The following ANTXRL variants were observed in gnomAD, a reference collection of about 807,000 sequenced individuals.
The protein encoded by ANTXRL is anthrax toxin receptor-like.
In ANTXRL, 63 loss-of-function variants were observed where a neutral mutation model predicts 75.4. The observed-to-expected ratio is 0.84, with a 90% CI of 0.68 to 1.03. ANTXRL has a LOEUF of 1.03. Among genes scored for constraint, ANTXRL ranks in the 50% least tolerant of loss-of-function variants. ANTXRL has a pLI of 0.00. For synonymous variants in ANTXRL, 335 were observed against 291.3 expected (o/e 1.15, Z -1.53); for missense variants, 797 against 789.4 (o/e 1.01, Z -0.12).
At chr10:46,320,755 A>G (rs1284681670) in intron 16 of ANTXRL, among the ~76,000 whole-genome samples, 1 of 152,150 alleles carries the variant, frequency 6.6e-6, no homozygotes, top group Non-Finnish European at 1.5e-5. Flanking sequence ...TTTGCCCATC[A>G]GTCTGCATAA....
At chr10:46,310,681 C>T (rs4339976) in intron 14 of ANTXRL, among the ~76,000 whole-genome samples, 182 bp downstream of exon 14, 26,861 of 151,770 alleles carry the variant, frequency 0.18, 2,026 homozygotes, top group Middle Eastern at 0.2. Context: ...ATGCCCTTTC[C>T]GCTCCCTGCA....
At chr10:46,309,530 T>C (rs1387300909) in intron 13 of ANTXRL, among the ~76,000 whole-genome samples, 3 of 152,180 alleles carry the variant, frequency 2.0e-5, no homozygotes, top group Non-Finnish European at 4.4e-5. Flanking sequence ...TCCAGACTTC[T>C]GGAAGCCTCA....
intron 14 of ANTXRL, 112 bp downstream of exon 14, chr10:46,310,611 G>A: frequency 1.7e-6 from 2 of 1,161,598 alleles, no homozygotes; most frequent in Non-Finnish European, 1.2e-6. Context: ...GAGCAGAGAA[G>A]TTGACAGAGG....
chr10:46,293,270 G>T (rs1837095004), intron 2 of ANTXRL, among the ~76,000 whole-genome samples: 1 of 91,914 alleles, frequency 1.1e-5, no homozygotes, highest in Admixed American at 1.1e-4. Context: ...GTATACCTGT[G>T]CGTGTGTGAG....
At chr10:46,320,585 A>T (rs190959568) in intron 16 of ANTXRL, among the ~76,000 whole-genome samples, 2 of 152,280 alleles carry the variant, frequency 1.3e-5, no homozygotes, top group Admixed American at 6.5e-5. Flanking sequence ...TACAAAAATT[A>T]TCTGGGTGTG....
At chr10:46,306,083 G>C (rs1225125542) in intron 10 of ANTXRL, among the ~76,000 whole-genome samples, 2 of 152,114 alleles carry the variant, frequency 1.3e-5, no homozygotes, top group Non-Finnish European at 2.9e-5. Flanking sequence ...TTCCCTCCTT[G>C]ACAAGGTCAG....
chr10:46,329,945 T>G lies in ANTXRL; in HGVS notation c.1757T>G (p.Leu586Arg). The G allele has an allele frequency of 6.5e-7, 1 of 1,531,470 alleles. No individual in the cohort carries two copies. Among genetic ancestry groups the G allele is most frequent in the Non-Finnish European group, 8.7e-7 (1 of 1,145,388 alleles). 94.9% of individuals were successfully genotyped at this position (1,531,470 alleles called of 1,614,324 possible). A position where few individuals can be genotyped will look rare whatever the true frequency, so the allele number is the denominator to read the frequency against. ...CAACCCAGCCGGGAGTGCCTCCCCC[T>G]CACCTGCTCCTCCAGGTGCCGCCTC... ...CLQPSRECLP[L>R]TCSSRCRLPP... The change falls in exon 17 of 17, where the codon CTC becomes CGC. Residue 586 changes from leucine (L) to arginine (R), a missense_variant. This residue lies in a region of ANTXRL where 479 missense variants were observed against 422.0 expected (regional missense o/e 1.14). Coordinates refer to ENST00000620264, the MANE Select transcript of ANTXRL (RefSeq NM_001278688.3).
At position 46,287,041 on chromosome 10, in the gene ANTXRL, G is replaced by A. The variant is rs1326939813; in HGVS notation, c.-222G>A. On this transcript the variant is annotated 5_prime_UTR_variant, in exon 1 of 17. Transcript: ENST00000620264. Reference sequence around the variant, plus strand: ...CCCAGGGTGGGGGAAGGGCCAGGCAGGTAGCTGGAAGCAAGTCTCCCAGAG... The same window carrying A: ...CCCAGGGTGGGGGAAGGGCCAGGCAAGTAGCTGGAAGCAAGTCTCCCAGAG... 1 of 603,278 alleles carries A rather than the reference G, an allele frequency of 1.7e-6. No individual in the cohort carries two copies. 37.4% of individuals were successfully genotyped at this position (603,278 alleles called of 1,614,324 possible). A position where few individuals can be genotyped will look rare whatever the true frequency, so the allele number is the denominator to read the frequency against.
At chr10:46,304,842 A>G (rs1837974811) in intron 10 of ANTXRL, among the ~76,000 whole-genome samples, 1 of 151,996 alleles carries the variant, frequency 6.6e-6, no homozygotes, top group Admixed American at 6.6e-5. Flanking sequence ...GGGGGTACCC[A>G]GCCTACCTCC....
chr10:46,307,296 T>TTTA, intron 11 of ANTXRL, 106 bp from the exon 12 acceptor site: 1 of 832,414 alleles, frequency 1.2e-6, no homozygotes, highest in Non-Finnish European at 2.0e-6. Flanking sequence ...TTGCTAAGTT[T>TTTA]ACCTGCAAGT....
At chr10:46,296,152 C>G in intron 4 of ANTXRL, 52 bp downstream of exon 4, 1 of 1,532,542 alleles carries the variant, frequency 6.5e-7, no homozygotes, top group Non-Finnish European at 8.7e-7. Flanking sequence ...CCCTAACCTA[C>G]AAAATCTTAG....
At chr10:46,303,403 T>C (rs2132742065) in intron 10 of ANTXRL, among the ~76,000 whole-genome samples, 1 of 152,350 alleles carries the variant, frequency 6.6e-6, no homozygotes, top group Non-Finnish European at 1.5e-5. Context: ...GTGCTGGCTA[T>C]GTATCCTTTA....
intron 3 of ANTXRL, among the ~76,000 whole-genome samples, chr10:46,294,825 C>G (rs1348156801): frequency 7.9e-6 from 1 of 126,762 alleles, no homozygotes; most frequent in African/African-American, 2.7e-5. Context: ...TCCTCCCCTC[C>G]TGGGCTGGGC....
At chr10:46,329,186 C>T (rs1203731345) in intron 16 of ANTXRL, among the ~76,000 whole-genome samples, 2 of 152,176 alleles carry the variant, frequency 1.3e-5, no homozygotes, top group Non-Finnish European at 2.9e-5. Flanking sequence ...CTTCTCAGCT[C>T]ATCACCCACC....
Position 46,329,336 on chromosome 10 carries a change from C to T in ANTXRL, c.1411-263C>T, listed in dbSNP as rs141902039. Among the ~76,000 whole-genome samples the T allele has an allele frequency of 3.0e-4, 45 of 152,204 alleles. 1 individual carries two copies. The highest frequency in any genetic ancestry group is 9.6e-4 in the African/African-American group (40 of 41,524). ...GCTACCAGGGGGAAGCAAACAATTT[C>T]GACTGGAGGGCTGAGGGAGTCCAGA... On this transcript the variant is annotated intron_variant, in intron 16 of 16. Transcript: ENST00000620264.
At chr10:46,323,209 C>G (rs1325988772) in intron 16 of ANTXRL, among the ~76,000 whole-genome samples, 1 of 152,128 alleles carries the variant, frequency 6.6e-6, no homozygotes, top group African/African-American at 2.4e-5. Flanking sequence ...GAATTCCCTC[C>G]TCTATTAGCT....
chr10:46,286,573 A>G (rs1194222551), upstream of ANTXRL: 1 of 152,316 alleles, frequency 6.6e-6, no homozygotes, highest in Non-Finnish European at 1.5e-5. Context: ...GCATAATAAA[A>G]TGGGCCTGTT....
chr10:46,313,123 C>A, intron 15 of ANTXRL, 113 bp from the exon 16 acceptor site: 1 of 970,500 alleles, frequency 1.0e-6, no homozygotes, highest in Non-Finnish European at 1.6e-6. Context: ...GGGATGGGAG[C>A]TTTGTCTGGG....
chr10:46,303,244 G>T (rs1357765936), intron 10 of ANTXRL, among the ~76,000 whole-genome samples: 11 of 152,190 alleles, frequency 7.2e-5, no homozygotes, highest in Non-Finnish European at 1.5e-4. Context: ...GCCCAGAGGG[G>T]TATGTTTACC....
Sources: allele counts gnomAD v4.1 joint callset (sites outside exome capture counted in the v4.1 genomes callset), GRCh38; gene constraint gnomAD v4.1.1; regional missense constraint gnomAD v4.1.1; transcripts MANE v1.5; gene names NCBI Gene and HGNC (gene_info 2026-07-23, HGNC 2026-07-21).